METTL15: variants seen among roughly 807,000 people sequenced by gnomAD.
The protein encoded by METTL15 is 12S rRNA N(4)-cytidine methyltransferase METTL15.
Under a neutral mutation model 38.3 loss-of-function variants are expected in METTL15, and 34 were observed. The observed-to-expected ratio is 0.89, with a 90% confidence interval of 0.68 to 1.18. The LOEUF (loss-of-function observed/expected upper bound fraction) is 1.18, where lower values mean the gene tolerates loss of function less well. Ranked by LOEUF, METTL15 falls within the 50% of genes most tolerant of loss-of-function variation. METTL15 has a pLI of 0.00. For synonymous variants in METTL15, 162 were observed against 170.9 expected, an observed-to-expected ratio of 0.95 and a Z score of 0.41; for missense variants, 438 against 498.4, an observed-to-expected ratio of 0.88 and a Z score of 1.15.
chr11:28,443,453 C>G (rs1851051496), intron 6 of METTL15, among the ~76,000 whole-genome samples: 1 of 152,080 alleles, frequency 6.6e-6, no homozygotes, highest in Admixed American at 6.6e-5. Flanking sequence ...CTTTCAGTGC[C>G]ATCTCCAAGT....
chr11:28,207,996 C>G (rs1364355488), intron 3 of METTL15, among the ~76,000 whole-genome samples: 1 of 151,888 alleles, frequency 6.6e-6, no homozygotes, highest in East Asian at 1.9e-4. Context: ...TGATTCTTCT[C>G]TCATTTCTTC....
intron 4 of METTL15, among the ~76,000 whole-genome samples, chr11:28,286,175 T>A (rs972261157): frequency 6.6e-6 from 1 of 152,194 alleles, no homozygotes; most frequent in East Asian, 1.9e-4. Context: ...TAGAAGCTGA[T>A]GTCGTGGTCT....
At chr11:28,288,996 G>A (rs575780962) in intron 4 of METTL15, among the ~76,000 whole-genome samples, 9 of 152,226 alleles carry the variant, frequency 5.9e-5, no homozygotes, top group Non-Finnish European at 1.2e-4. Flanking sequence ...CAGCAGTGAT[G>A]TTGTATTGGG....
intron 3 of METTL15, among the ~76,000 whole-genome samples, chr11:28,150,940 C>T (rs1215743876): frequency 1.3e-5 from 2 of 149,132 alleles, no homozygotes; most frequent in Non-Finnish European, 3.0e-5. Context: ...AAAGTTCTTC[C>T]CATTTGAAGT....
chr11:28,308,612 C>G (rs1017065774), intron 6 of METTL15, among the ~76,000 whole-genome samples: 1 of 152,080 alleles, frequency 6.6e-6, no homozygotes, highest in African/African-American at 2.4e-5. Flanking sequence ...TCTTATTCTC[C>G]TTTAAAATCA....
At chr11:28,504,544 A>T (rs1238474091) in intron 6 of METTL15, among the ~76,000 whole-genome samples, 1 of 152,228 alleles carries the variant, frequency 6.6e-6, no homozygotes, top group East Asian at 1.9e-4. Context: ...TATGGGCTAA[A>T]TAAAATAAAC....
chr11:28,164,848 C>T (rs1850600373), intron 3 of METTL15, among the ~76,000 whole-genome samples: 1 of 152,038 alleles, frequency 6.6e-6, no homozygotes, highest in African/African-American at 2.4e-5. Flanking sequence ...GCAACATCTC[C>T]CATTTCTTCC....
At chr11:28,164,808 C>T (rs1850599343) in intron 3 of METTL15, among the ~76,000 whole-genome samples, 2 of 152,040 alleles carry the variant, frequency 1.3e-5, no homozygotes. Flanking sequence ...ACTTATTCCT[C>T]CTGTCTTACT....
intron 3 of METTL15, among the ~76,000 whole-genome samples, chr11:28,126,987 A>G (rs1356237244): frequency 3.9e-5 from 6 of 152,166 alleles, no homozygotes; most frequent in Non-Finnish European, 7.4e-5. Context: ...CAAAGAGGAA[A>G]GGGAACATGT....
rs188454660 is a variant in METTL15, at chr11:28,446,961, G to A, written c.*424+22597G>A. ...ACACACACTATAAAAATTAAAATGG[G>A]ATCAAATATCTGTATTTAAATTTGA... On this transcript the variant is annotated intron_variant and NMD_transcript_variant, in intron 6 of 7. Transcript: ENST00000532947. Among the ~76,000 whole-genome samples the A allele has an allele frequency of 2.0e-5, 3 of 151,860 alleles. No individual in the cohort carries two copies. The East Asian group carries it at 5.8e-4, about 29-fold the overall frequency.
At chr11:28,150,056 G>A (rs757175387) in intron 3 of METTL15, among the ~76,000 whole-genome samples, 39 of 151,868 alleles carry the variant, frequency 2.6e-4, no homozygotes, top group Non-Finnish European at 5.3e-4. Flanking sequence ...ATTTCTCAGG[G>A]TACATCTCTT....
At chr11:28,407,483 T>G (rs1850684352) in intron 5 of METTL15, among the ~76,000 whole-genome samples, 1 of 152,046 alleles carries the variant, frequency 6.6e-6, no homozygotes, top group African/African-American at 2.4e-5. Flanking sequence ...AACAACCCCT[T>G]TAAAAAGCGG....
rs941102949 is a variant in METTL15, at chr11:28,281,496, C to T, written c.408-8710C>T. On this transcript the variant is annotated intron_variant, in intron 4 of 6. Coordinates refer to ENST00000407364, the MANE Select transcript of METTL15 (RefSeq NM_001113528.2). ...TTCACTTTTCTTTGTTCCCTCAAGT[C>T]TTAGCCGTTTTTATAGCTCTCTGAT... 3.3e-5 allele frequency among the ~76,000 whole-genome samples: 5 copies of T among 152,288 alleles called. No individual in the cohort carries two copies. The South Asian group carries it at 6.2e-4, about 19-fold the overall frequency.
At chr11:28,358,012 G>A (rs11030291) in intron 4 of METTL15, among the ~76,000 whole-genome samples, 1 of 151,992 alleles carries the variant, frequency 6.6e-6, no homozygotes. Context: ...ATTTAAATAA[G>A]GTTTAAATCT....
At chr11:28,115,134 AC>A (rs1262901375) in intron 3 of METTL15, among the ~76,000 whole-genome samples, 21 of 152,280 alleles carry the variant, frequency 1.4e-4, no homozygotes, top group African/African-American at 4.1e-4. Context: ...TGGGGTGTTG[AC>A]CCCTACAGAG....
rs775213889 is a variant in METTL15, at chr11:28,377,518, T to G, written c.*358+15482T>G. On this transcript the variant is annotated intron_variant and NMD_transcript_variant, in intron 5 of 7. Transcript: ENST00000532947. ...TTGGTTTTCAGCTCCATCAGCTCCTTTAAGCACTTCTCTGTATTGGTTATT... is the reference window on the plus strand; with the variant it reads ...TTGGTTTTCAGCTCCATCAGCTCCTGTAAGCACTTCTCTGTATTGGTTATT... Among the ~76,000 whole-genome samples the G allele has an allele frequency of 4.6e-5, 7 of 152,150 alleles. No individual in the cohort carries two copies. The South Asian group carries it at 1.2e-3, about 27-fold the overall frequency.
chr11:28,284,857 A>G (rs1782163761), intron 4 of METTL15, among the ~76,000 whole-genome samples: 1 of 152,182 alleles, frequency 6.6e-6, no homozygotes, highest in Non-Finnish European at 1.5e-5. Flanking sequence ...GGGTGTGGCT[A>G]AAGAAACAAA....
In METTL15 at chr11:28,113,349, A is replaced by C; in HGVS notation, c.15A>C (p.Pro5=). 1 of 1,562,360 alleles carries C rather than the reference A, an allele frequency of 6.4e-7. No homozygotes were observed. The highest frequency in any genetic ancestry group is 2.3e-5 in the East Asian group (1 of 44,122). Residue 5 remains proline, a synonymous_variant, in exon 3 of 7, where the codon CCA becomes CCC. Coordinates refer to ENST00000407364, the MANE Select transcript of METTL15 (RefSeq NM_001113528.2). The stretch of plus-strand genomic sequence containing the variant: ...TTACCTACAAAATGCTTCGGTATCC[A>C]TATTTTTGTAGAATGTATAAAGAAT... MLRY[P]YFCRMYKECL... is the part of the protein sequence containing the mutation.
intron 5 of METTL15, among the ~76,000 whole-genome samples, chr11:28,390,300 G>A (rs1478154099): frequency 1.3e-5 from 2 of 150,798 alleles, no homozygotes; most frequent in African/African-American, 2.4e-5. Flanking sequence ...TGAAGTCCTT[G>A]CCCATGCCTA....
Sources: allele counts gnomAD v4.1 joint callset (sites outside exome capture counted in the v4.1 genomes callset), GRCh38; gene constraint gnomAD v4.1.1; transcripts MANE v1.5; gene names NCBI Gene and HGNC (gene_info 2026-07-23, HGNC 2026-07-21).